TNNI1: variants seen among roughly 807,000 people sequenced by gnomAD.
The protein encoded by TNNI1 is troponin I1, slow skeletal type.
Under a neutral mutation model 26.7 loss-of-function variants are expected in TNNI1, and 14 were observed. The observed-to-expected ratio is 0.52, with a 90% confidence interval of 0.35 to 0.82. TNNI1 has a LOEUF of 0.82. Among genes scored for constraint, TNNI1 ranks in the 40% least tolerant of loss-of-function variants. The pLI, the probability that TNNI1 is intolerant of heterozygous loss-of-function variation, is 0.01. For missense variants in TNNI1, 164 were observed against 257.0 expected, an observed-to-expected ratio of 0.64 and a Z score of 2.47; for synonymous variants, 79 against 98.2, an observed-to-expected ratio of 0.80 and a Z score of 1.16.
At chr1:201,414,435 T>G in intron 5 of TNNI1, 83 bp downstream of exon 5, 1 of 1,281,772 alleles carries the variant, frequency 7.8e-7, no homozygotes, top group South Asian at 1.6e-5. Context: ...TGGTGTTAGT[T>G]CAGGCTCCTG....
rs1434605257 is a variant in TNNI1 at position 201,406,957 on chromosome 1, C to T, written c.*2296G>A. The T allele has an allele frequency of 6.6e-6, 1 of 152,290 alleles. No homozygotes were observed. The highest frequency in any genetic ancestry group is 1.5e-5 in the Non-Finnish European group (1 of 68,104). The allele number at this position is 152,290 out of a possible 1,614,324, so 9.4% of individuals were successfully genotyped here. A position where few individuals can be genotyped will look rare whatever the true frequency, so the allele number is the denominator to read the frequency against. ...TGGCTTAGGTGTGTTGAGTGGGCCCCACCTCCTCCTCCCATGGGTCTTCTG... is the reference window on the plus strand; with the variant it reads ...TGGCTTAGGTGTGTTGAGTGGGCCCTACCTCCTCCTCCCATGGGTCTTCTG... On this transcript the variant is annotated 3_prime_UTR_variant, in exon 9 of 9. Coordinates refer to ENST00000361379, the MANE Select transcript of TNNI1 (RefSeq NM_003281.4).
chr1:201,406,681 CCCCAG>C lies in TNNI1; in HGVS notation c.*2567_*2571del, dbSNP rs1211797097. On this transcript the variant is annotated 3_prime_UTR_variant, in exon 9 of 9. Transcript: ENST00000361379. The stretch of plus-strand genomic sequence containing the variant: ...AATCAGGGCTCTCCAGAGGCCAGGC[CCCCAG>C]CCCAGGCCCCATTCTTGGCTACAAC... 1.3e-5 allele frequency: 2 copies of C among 152,224 alleles called. No individual in the cohort carries two copies. The highest frequency in any genetic ancestry group is 2.4e-5 in the African/African-American group (1 of 41,438). 9.4% of individuals were successfully genotyped at this position (152,224 alleles called of 1,614,324 possible). A position where few individuals can be genotyped will look rare whatever the true frequency, so the allele number is the denominator to read the frequency against.
In TNNI1 at chr1:201,417,819, G is replaced by GA; in HGVS notation, c.-19-8_-19-7insT. ...GGTGGCAGTGAGACAGCACCTAGGG[G>GA]GCACAGAGGAATCATTCATAAGGGA... is the stretch of plus-strand genomic sequence containing the variant. On this transcript the variant is annotated splice_region_variant and splice_polypyrimidine_tract_variant and intron_variant, in intron 1 of 8. Transcript: ENST00000361379. 1.5e-6 allele frequency: 2 copies of GA among 1,312,836 alleles called. No individual in the cohort carries two copies. Among genetic ancestry groups the GA allele is most frequent in the Middle Eastern group, 2.0e-4 (1 of 4,914 alleles). The allele number at this position is 1,312,836 out of a possible 1,614,324, so 81.3% of individuals were successfully genotyped here.
At position 201,405,568 on chromosome 1, in the gene TNNI1, C is replaced by G. The variant is rs1304358713; in HGVS notation, c.*3685G>C. The stretch of plus-strand genomic sequence containing the variant: ...CCAGAGACTTGTGGGGAGTATGACT[C>G]ACTTCGCGGGGGGCCATTGTGGCTA... On this transcript the variant is annotated 3_prime_UTR_variant, in exon 9 of 9. Transcript: ENST00000361379. 1 of 152,764 alleles carries G rather than the reference C, an allele frequency of 6.5e-6. No individual in the cohort carries two copies. The highest frequency in any genetic ancestry group is 2.4e-5 in the African/African-American group (1 of 41,450). 9.5% of individuals were successfully genotyped at this position (152,764 alleles called of 1,614,324 possible). A position where few individuals can be genotyped will look rare whatever the true frequency, so the allele number is the denominator to read the frequency against.
Position 201,417,109 on chromosome 1 carries a change from C to T in TNNI1, c.15+7G>A, listed in dbSNP as rs1395464432. 1 of 1,614,080 alleles carries T rather than the reference C, an allele frequency of 6.2e-7. No individual in the cohort carries two copies. The highest frequency in any genetic ancestry group is 1.1e-5 in the South Asian group (1 of 91,080). On this transcript the variant is annotated splice_region_variant and intron_variant, in intron 3 of 8. Coordinates refer to ENST00000361379, the MANE Select transcript of TNNI1 (RefSeq NM_003281.4). ...ACCAAGACAGAGATACCCCAAATAT[C>T]ACTTACCTCGCTTCAGGCATCCATC...
intron 1 of TNNI1, among the ~76,000 whole-genome samples, chr1:201,418,694 G>T (rs769873842): frequency 6.6e-6 from 1 of 152,168 alleles, no homozygotes; most frequent in Non-Finnish European, 1.5e-5. Flanking sequence ...CCAGGGTGGG[G>T]CAGTGGGAGG....
chr1:201,419,898 AT>A (rs1364406638), intron 1 of TNNI1, among the ~76,000 whole-genome samples: 1 of 152,136 alleles, frequency 6.6e-6, no homozygotes, highest in Non-Finnish European at 1.5e-5. Flanking sequence ...CTTGGCTGGT[AT>A]TAGATTTTAT....
chr1:201,413,232 G>A (rs1558281560), intron 5 of TNNI1, 111 bp from the exon 6 acceptor site: 2 of 1,152,492 alleles, frequency 1.7e-6, no homozygotes, highest in Non-Finnish European at 2.6e-6. Flanking sequence ...GATCCAGAGA[G>A]GAGCTGACAG....
At chr1:201,417,610 G>A in intron 2 of TNNI1, 173 bp downstream of exon 2, 1 of 502,980 alleles carries the variant, frequency 2.0e-6, no homozygotes, top group Non-Finnish European at 3.3e-6. Context: ...CTCAATGGCT[G>A]GGAGGACACA....
chr1:201,417,072 T>G, intron 3 of TNNI1, 44 bp downstream of exon 3: 1 of 1,613,612 alleles, frequency 6.2e-7, no homozygotes, highest in Admixed American at 1.7e-5. Flanking sequence ...CTTTTACCAG[T>G]CGTTAGAGTT....
chr1:201,411,520 T>C lies in TNNI1; in HGVS notation c.293A>G (p.Lys98Arg). Residue 98 changes from lysine (K) to arginine (R), a missense_variant, in exon 7 of 9, where the codon AAG becomes AGG. Lys to Arg is a conservative substitution (Grantham distance 26). Coordinates refer to ENST00000361379, the MANE Select transcript of TNNI1 (RefSeq NM_003281.4). This position sits in a 1 kb window ranked among gnomAD's most constrained non-coding sequence, Gnocchi z 4.6. ...CCCACGGAGGTCCATCACCTTCAGC[T>C]TCAGGTCCTTAATCTGTAGGTGAGA... ...LHNTREIKDLKLKVMDLRGKF... is the reference protein window; with the variant it reads ...LHNTREIKDLRLKVMDLRGKF... The C allele has an allele frequency of 1.9e-6, 3 of 1,602,308 alleles. No homozygotes were observed. The highest frequency in any genetic ancestry group is 2.6e-6 in the Non-Finnish European group (3 of 1,175,302).
chr1:201,413,051 C>T lies in TNNI1; in HGVS notation c.260G>A (p.Cys87Tyr). 6.2e-7 allele frequency: 1 copy of T among 1,614,100 alleles called. No homozygotes were observed. The highest frequency in any genetic ancestry group is 1.1e-5 in the South Asian group (1 of 91,086). The change falls in exon 6 of 9, where the codon TGC becomes TAC. Residue 87 changes from cysteine (C) to tyrosine (Y), a missense_variant. Physicochemically the swap from Cys to Tyr is radical, Grantham distance 194. This residue lies in a region of TNNI1 where 117 missense variants were observed against 158.7 expected (regional missense o/e 0.74). Transcript: ENST00000361379. Reference protein sequence around the residue: ...DEERYDIEAKCLHNTREIKDL... With the variant: ...DEERYDIEAKYLHNTREIKDL... The stretch of plus-strand genomic sequence containing the variant: ...ACTCACCTCCCTGGTGTTGTGGAGG[C>T]ATTTGGCCTCAATGTCGTATCGCTC...
At chr1:201,412,940 T>C in intron 6 of TNNI1, 92 bp downstream of exon 6, 1 of 1,313,664 alleles carries the variant, frequency 7.6e-7, no homozygotes. Flanking sequence ...CTAGGCCCTG[T>C]GGAAGGAGGG....
chr1:201,415,821 AC>A (rs1208790340), intron 3 of TNNI1, among the ~76,000 whole-genome samples: 1 of 152,144 alleles, frequency 6.6e-6, no homozygotes, highest in Non-Finnish European at 1.5e-5. Context: ...AAGATATAAA[AC>A]CACTGTTTTA....
At chr1:201,417,709 T>G in intron 2 of TNNI1, 74 bp downstream of exon 2, 1 of 1,259,208 alleles carries the variant, frequency 7.9e-7, no homozygotes, top group Admixed American at 3.1e-5. Flanking sequence ...ACATGGTGCC[T>G]CCACTGCGGG....
chr1:201,412,416 C>T (rs1349163685), intron 6 of TNNI1, among the ~76,000 whole-genome samples: 1 of 152,098 alleles, frequency 6.6e-6, no homozygotes, highest in Non-Finnish European at 1.5e-5. Flanking sequence ...GGCTTGTGCT[C>T]CCTCCCTGCC....
chr1:201,417,030 C>G, intron 3 of TNNI1, 86 bp downstream of exon 3: 1 of 1,541,670 alleles, frequency 6.5e-7, no homozygotes, highest in Non-Finnish European at 9.0e-7. Flanking sequence ...ACAGGCTCTT[C>G]CCTCTCCTCA....
chr1:201,413,429 A>AC (rs201270031), intron 5 of TNNI1, among the ~76,000 whole-genome samples: 52,600 of 137,712 alleles, frequency 0.38, 11,171 homozygotes, highest in Non-Finnish European at 0.51. Context: ...TCCGTCTCAA[A>AC]AAAACAAACA....
intron 4 of TNNI1, 145 bp from the exon 5 acceptor site, chr1:201,414,794 A>G: frequency 1.5e-6 from 2 of 1,313,816 alleles, no homozygotes; most frequent in Non-Finnish European, 2.1e-6. Context: ...ACAGGCCACC[A>G]TGAGGGTACA....
Sources: allele counts gnomAD v4.1 joint callset (sites outside exome capture counted in the v4.1 genomes callset), GRCh38; gene constraint gnomAD v4.1.1; regional missense constraint gnomAD v4.1.1; non-coding constraint Gnocchi (gnomAD v3.1); transcripts MANE v1.5; gene names NCBI Gene and HGNC (gene_info 2026-07-23, HGNC 2026-07-21).